Variants in GPHN observed in about 807,000 individuals in gnomAD.
The protein encoded by GPHN is gephyrin.
A neutral mutation model predicts 95.5 loss-of-function variants in GPHN; 17 were observed. The observed-to-expected ratio is 0.18, with a 90% CI of 0.12 to 0.27. The LOEUF (loss-of-function observed/expected upper bound fraction) is 0.27, where lower values mean the gene tolerates loss of function less well. Among genes scored for constraint, GPHN ranks in the 10% least tolerant of loss-of-function variants. GPHN has a pLI of 1.00. For synonymous variants in GPHN, 320 were observed against 322.5 expected (o/e 0.99, Z 0.08); for missense variants, 660 against 978.1 (o/e 0.67, Z 4.34).
At chr14:67,589,429 T>A in the GPHN span, 2 of 985,264 alleles carry the variant, frequency 2.0e-6, no homozygotes, top group East Asian at 2.3e-4. Context: ...TTTGAACTGA[T>A]ATAAAAAAAA....
the GPHN span, chr14:67,345,782 G>A: frequency 6.2e-7 from 1 of 1,613,272 alleles, no homozygotes; most frequent in Non-Finnish European, 8.5e-7. Flanking sequence ...AGAGAAGCTA[G>A]TTCCACCAGT....
At chr14:67,405,496 T>C in the GPHN span, among the ~76,000 whole-genome samples, 10 of 152,150 alleles carry the variant, frequency 6.6e-5, no homozygotes, top group Admixed American at 4.6e-4. Context: ...CCACCCAGTA[T>C]GAAAAGTTCC....
the GPHN span, among the ~76,000 whole-genome samples, chr14:67,417,432 TATA>T: frequency 6.6e-6 from 1 of 152,254 alleles, no homozygotes; most frequent in East Asian, 1.9e-4. Context: ...GAGTTATGGA[TATA>T]ATATTTTTAT....
chr14:67,347,493 A>C, the GPHN span: 109,380 of 1,487,146 alleles, frequency 0.074, 5,003 homozygotes, highest in Middle Eastern at 0.14. Context: ...ATAAACCTTT[A>C]AGTTCTCTCT....
chr14:67,214,277 T>C, the GPHN span, among the ~76,000 whole-genome samples: 1 of 152,274 alleles, frequency 6.6e-6, no homozygotes, highest in South Asian at 2.1e-4. Context: ...TAGGTTTTCT[T>C]TTAGGGTTTT....
At chr14:67,031,181 C>T (rs1369059651) in intron 10 of GPHN, among the ~76,000 whole-genome samples, 2 of 152,048 alleles carry the variant, frequency 1.3e-5, no homozygotes, top group African/African-American at 4.8e-5. Flanking sequence ...GTCTTATACC[C>T]CTTAATTTGT....
chr14:67,178,455 T>A (rs1356697932), intron 21 of GPHN, among the ~76,000 whole-genome samples: 1 of 152,218 alleles, frequency 6.6e-6, no homozygotes. Flanking sequence ...GGCTTCCCTT[T>A]GTGGGTAATC....
chr14:66,682,495 T>C (rs2066996450), intron 2 of GPHN, among the ~76,000 whole-genome samples: 2 of 152,192 alleles, frequency 1.3e-5, no homozygotes, highest in South Asian at 4.1e-4. Context: ...CTCATGCCTG[T>C]AATCCCAGAA....
chr14:66,758,615 C>T (rs1460910487), intron 2 of GPHN, among the ~76,000 whole-genome samples: 2 of 152,132 alleles, frequency 1.3e-5, no homozygotes, highest in Non-Finnish European at 2.9e-5. Context: ...CTTAGAAATC[C>T]TGAGGCTGCC....
At chr14:67,356,452 A>C in the GPHN span, among the ~76,000 whole-genome samples, 1 of 111,728 alleles carries the variant, frequency 9.0e-6, no homozygotes, top group South Asian at 3.7e-4. Flanking sequence ...AAAAAACAAA[A>C]ACAAACAAAC....
intron 2 of GPHN, among the ~76,000 whole-genome samples, chr14:66,684,304 A>G (rs1421400278): frequency 1.3e-5 from 2 of 152,220 alleles, no homozygotes. Context: ...TATCTAGTCA[A>G]TATTGATACT....
the GPHN span, among the ~76,000 whole-genome samples, chr14:67,245,266 C>T: frequency 1.3e-5 from 2 of 152,278 alleles, no homozygotes; most frequent in South Asian, 4.1e-4. Context: ...TTTGCATTTC[C>T]ACCAGCAATA....
Position 67,058,688 on chromosome 14 carries a change from A to G in GPHN, c.1046A>G (p.His349Arg), listed in dbSNP as rs1251852549. The change falls in exon 11 of 23, where the codon CAT becomes CGT. Residue 349 changes from histidine (H) to arginine (R), a missense_variant. Coordinates refer to ENST00000478722, the MANE Select transcript of GPHN (RefSeq NM_020806.5). ...AVDITKVARR[H>R]RMSPFPLTSM... ...GATATCACCAAGGTGGCTAGAAGAC[A>G]TCGCATGTCTCCTTTTCCTCTGACA... 3.1e-6 allele frequency: 5 copies of G among 1,613,344 alleles called. No homozygotes were observed. Among genetic ancestry groups the G allele is most frequent in the African/African-American group, 1.3e-5 (1 of 74,928 alleles).
the GPHN span, among the ~76,000 whole-genome samples, chr14:67,605,863 A>G: frequency 6.6e-6 from 1 of 151,958 alleles, no homozygotes; most frequent in African/African-American, 2.4e-5. Flanking sequence ...TTATATTTGT[A>G]GTAGAGACGA....
intron 4 of GPHN, among the ~76,000 whole-genome samples, chr14:66,866,832 G>T (rs948142986): frequency 7.9e-5 from 12 of 152,120 alleles, no homozygotes; most frequent in Admixed American, 6.6e-4. Flanking sequence ...TAGAACCTTA[G>T]CTGGCACAGC....
intron 1 of GPHN, among the ~76,000 whole-genome samples, chr14:66,676,668 G>C (rs977209423): frequency 3.5e-5 from 4 of 115,064 alleles, no homozygotes; most frequent in African/African-American, 1.8e-4. Context: ...CTCAATCGTA[G>C]TGTATTTTTT....
chr14:67,236,276 A>T, the GPHN span, among the ~76,000 whole-genome samples: 2 of 152,008 alleles, frequency 1.3e-5, no homozygotes, highest in Non-Finnish European at 2.9e-5. Flanking sequence ...CATGTATAAG[A>T]TCCTGATTTT....
At chr14:67,264,445 G>A in the GPHN span, among the ~76,000 whole-genome samples, 2 of 148,312 alleles carry the variant, frequency 1.3e-5, no homozygotes, top group Non-Finnish European at 2.9e-5. Flanking sequence ...AAAATCATTG[G>A]CCAGACCCAT....
At chr14:67,574,153 G>T in the GPHN span, 1 of 1,233,078 alleles carries the variant, frequency 8.1e-7, no homozygotes, top group Non-Finnish European at 1.1e-6. The surrounding 1 kb of genome is among the most constrained non-coding windows in gnomAD (Gnocchi z 4.2). Flanking sequence ...AGCCCCTTGG[G>T]TTCAGGGACA....
Sources: gnomAD v4.1 joint callset for allele counts (sites outside exome capture counted in the v4.1 genomes callset) on GRCh38, gnomAD v4.1.1 for gene constraint, Gnocchi (gnomAD v3.1) non-coding constraint, MANE v1.5 for transcripts, NCBI Gene and HGNC (gene_info 2026-07-23, HGNC 2026-07-21) for gene names.